STOX1: variants seen among roughly 807,000 people sequenced by gnomAD.
The protein encoded by STOX1 is storkhead box 1, also known as storkhead-box protein 1.
Under a neutral mutation model 74.8 loss-of-function variants are expected in STOX1, and 57 were observed. The ratio of observed to expected loss-of-function variants is 0.76; its 90% CI spans 0.62 to 0.95. The LOEUF (loss-of-function observed/expected upper bound fraction) is 0.95, where lower values mean the gene tolerates loss of function less well. Ranked by LOEUF, STOX1 falls within the 40% of genes least tolerant of loss-of-function variation. The pLI is 0.00. For missense variants in STOX1, 1,010 were observed against 1,117.0 expected (o/e 0.90, Z 1.37); for synonymous variants, 375 against 401.3 (o/e 0.93, Z 0.78).
chr10:68,886,734 C>T (rs748440299), intron 3 of STOX1, 116 bp downstream of exon 3: 6 of 878,256 alleles, frequency 6.8e-6, no homozygotes, highest in Non-Finnish European at 1.1e-5. Context: ...TGAGACCATC[C>T]TGGCCAACAT....
chr10:68,884,136 T>A lies in STOX1; in HGVS notation c.464-124T>A, dbSNP rs970956106. The stretch of plus-strand genomic sequence containing the variant: ...ACCCATCCCTGGCATTTTAATCACA[T>A]GTATTATGTTACAATCAGCTCTGGG... On this transcript the variant is annotated intron_variant, in intron 2 of 3. Coordinates refer to ENST00000298596, the MANE Select transcript of STOX1 (RefSeq NM_152709.5). 9 of 866,596 alleles carry A rather than the reference T, an allele frequency of 1.0e-5. No homozygotes were observed. The African/African-American group carries it at 1.5e-4, about 15-fold the overall frequency. The allele number at this position is 866,596 out of a possible 1,614,324, so 53.7% of individuals were successfully genotyped here.
Position 68,827,614 on chromosome 10 carries a change from C to T in STOX1, c.-10C>T. On this transcript the variant is annotated 5_prime_UTR_variant, in exon 1 of 4. Transcript: ENST00000298596. ...CCCTGCGTTGCGGGCTCCCGGCCGC[C>T]GGCGAAAGCATGGCCCGGCCCGTGC... is the stretch of plus-strand genomic sequence containing the variant. The T allele has an allele frequency of 1.7e-6, 2 of 1,146,152 alleles. No homozygotes were observed. Among genetic ancestry groups the T allele is most frequent in the Non-Finnish European group, 1.1e-6 (1 of 932,984 alleles). 71.0% of individuals were successfully genotyped at this position (1,146,152 alleles called of 1,614,324 possible).
At chr10:68,880,796 C>T (rs1229234238) in intron 1 of STOX1, among the ~76,000 whole-genome samples, 2 of 152,068 alleles carry the variant, frequency 1.3e-5, no homozygotes, top group South Asian at 4.1e-4. Context: ...GGGTTTTAAG[C>T]AATTCTCCTG....
chr10:68,885,565 T>C lies in STOX1; in HGVS notation c.1769T>C (p.Met590Thr). Residue 590 changes from methionine (M) to threonine (T), a missense_variant, in exon 3 of 4, where the codon ATG becomes ACG. Transcript: ENST00000298596. ...GHLFSHPQQS[M>T]LQNDGKCCPF... ...CTCTTCAGTCACCCTCAACAGAGCA[T>C]GTTGCAAAATGATGGTAAATGCTGT... 2 of 1,614,162 alleles carry C rather than the reference T, an allele frequency of 1.2e-6. No individual in the cohort carries two copies. The highest frequency in any genetic ancestry group is 1.7e-6 in the Non-Finnish European group (2 of 1,180,002).
At chr10:68,857,305 A>C (rs1201543886) in intron 1 of STOX1, among the ~76,000 whole-genome samples, 1 of 152,064 alleles carries the variant, frequency 6.6e-6, no homozygotes, top group African/African-American at 2.4e-5. Context: ...TGTTTACATG[A>C]AGGAGAAAAA....
intron 1 of STOX1, among the ~76,000 whole-genome samples, chr10:68,835,405 CT>C (rs1839522256): frequency 6.6e-6 from 1 of 152,028 alleles, no homozygotes; most frequent in African/African-American, 2.4e-5. Flanking sequence ...TCACTGAAGC[CT>C]TGAACTCCTG....
At chr10:68,876,394 G>T (rs544386268) in intron 1 of STOX1, among the ~76,000 whole-genome samples, 1 of 152,096 alleles carries the variant, frequency 6.6e-6, no homozygotes, top group South Asian at 2.1e-4. Context: ...GACCTCAGGT[G>T]ATCCGCCCCC....
chr10:68,887,005 C>T (rs1840981369), intron 3 of STOX1, among the ~76,000 whole-genome samples: 2 of 152,060 alleles, frequency 1.3e-5, no homozygotes, highest in Admixed American at 6.6e-5. Context: ...GTTAACTAGT[C>T]AGAGACTACT....
chr10:68,884,234 A>G lies in STOX1; in HGVS notation c.464-26A>G, dbSNP rs955766336. On this transcript the variant is annotated intron_variant, in intron 2 of 3. Coordinates refer to ENST00000298596, the MANE Select transcript of STOX1 (RefSeq NM_152709.5). Reference sequence around the variant, plus strand: ...TTAAAATTTTTCTTATTCAAAATCTATCTGTAAAATGCTTGTCTGTTTTAG... The same window carrying G: ...TTAAAATTTTTCTTATTCAAAATCTGTCTGTAAAATGCTTGTCTGTTTTAG... 3.7e-6 allele frequency: 6 copies of G among 1,610,136 alleles called. No individual in the cohort carries two copies. In the East Asian group the frequency reaches 6.7e-5, roughly 18 times the overall value.
At chr10:68,892,406 G>C (rs1420125405) in intron 3 of STOX1, among the ~76,000 whole-genome samples, 183 bp from the exon 4 acceptor site, 1 of 151,832 alleles carries the variant, frequency 6.6e-6, no homozygotes, top group African/African-American at 2.4e-5. Flanking sequence ...TAATTGAGAT[G>C]CTATTGTGAA....
At chr10:68,863,117 G>A (rs1178995838) in intron 1 of STOX1, among the ~76,000 whole-genome samples, 1 of 152,074 alleles carries the variant, frequency 6.6e-6, no homozygotes, top group Non-Finnish European at 1.5e-5. Context: ...TCTTCATGTG[G>A]GTGAGATGGG....
Position 68,838,786 on chromosome 10 carries a change from T to TGTA in STOX1, c.310+10856_310+10858dup, listed in dbSNP as rs1839621450. Among the ~76,000 whole-genome samples, 3 of 152,026 alleles carry TGTA rather than the reference T, an allele frequency of 2.0e-5. No homozygotes were observed. In the South Asian group the frequency reaches 6.2e-4, roughly 32 times the overall value. On this transcript the variant is annotated intron_variant, in intron 1 of 3. Coordinates refer to ENST00000298596, the MANE Select transcript of STOX1 (RefSeq NM_152709.5). ...TTAGCCAGGTGTGGTGGCAGGCACC[T>TGTA]GTAGTCCTAGCTACTCGGGAGGCTG...
chr10:68,828,419 G>C, intron 1 of STOX1: 1 of 528,266 alleles, frequency 1.9e-6, no homozygotes, highest in Non-Finnish European at 2.7e-6. Flanking sequence ...GGCCGGTCCG[G>C]GGGGCCAAGA....
chr10:68,862,910 C>T lies in STOX1; in HGVS notation c.311-19048C>T, dbSNP rs139125311. ...TTGTTTACAAATAGGTTTTTGAGGG[C>T]GGTATGCCTCAATTACAGGAGCAGA... On this transcript the variant is annotated intron_variant, in intron 1 of 3. Transcript: ENST00000298596. 5.3e-3 allele frequency among the ~76,000 whole-genome samples: 812 copies of T among 152,066 alleles called. 11 individuals are homozygous for T. The highest frequency in any genetic ancestry group is 0.019 in the African/African-American group (767 of 41,400).
chr10:68,852,937 T>C (rs1425738828), intron 1 of STOX1, among the ~76,000 whole-genome samples: 2 of 151,952 alleles, frequency 1.3e-5, no homozygotes, highest in African/African-American at 4.8e-5. Context: ...TTTTTTTTTT[T>C]TGGAGACAGA....
intron 1 of STOX1, among the ~76,000 whole-genome samples, chr10:68,835,704 G>C (rs1839531100): frequency 6.6e-6 from 1 of 152,124 alleles, no homozygotes; most frequent in Non-Finnish European, 1.5e-5. Context: ...ATTATGCATT[G>C]GGCCTTTTCG....
At chr10:68,846,630 A>G (rs562217467) in intron 1 of STOX1, among the ~76,000 whole-genome samples, 51 of 152,256 alleles carry the variant, frequency 3.3e-4, no homozygotes, top group African/African-American at 1.0e-3. Flanking sequence ...GCTTTCTCCA[A>G]TACTACAGTG....
intron 2 of STOX1, among the ~76,000 whole-genome samples, chr10:68,883,449 G>C (rs1026620318): frequency 6.6e-6 from 1 of 152,046 alleles, no homozygotes; most frequent in Non-Finnish European, 1.5e-5. Context: ...GTCTCACTCT[G>C]TTGCCCAAGT....
At chr10:68,862,381 C>A (rs1840285248) in intron 1 of STOX1, among the ~76,000 whole-genome samples, 1 of 152,008 alleles carries the variant, frequency 6.6e-6, no homozygotes, top group Non-Finnish European at 1.5e-5. Context: ...ACATTCCTGG[C>A]AAGTTACATA....
Sources: allele counts gnomAD v4.1 joint callset (sites outside exome capture counted in the v4.1 genomes callset), GRCh38; gene constraint gnomAD v4.1.1; transcripts MANE v1.5; gene names NCBI Gene and HGNC (gene_info 2026-07-23, HGNC 2026-07-21).